MOGAT1: variants seen among roughly 807,000 people sequenced by gnomAD.
The protein encoded by MOGAT1 is monoacylglycerol O-acyltransferase 1, also known as 2-acylglycerol O-acyltransferase 1.
MOGAT1 carries 32 observed loss-of-function variants against 31.4 expected under a neutral mutation model. The ratio of observed to expected loss-of-function variants is 1.02; its 90% confidence interval spans 0.77 to 1.37. The LOEUF (loss-of-function observed/expected upper bound fraction) is 1.37. Among genes scored for constraint, MOGAT1 ranks in the 40% most tolerant of loss-of-function variants. The pLI is 0.00. For synonymous variants in MOGAT1, 145 were observed against 144.5 expected (o/e 1.00, Z -0.03); for missense variants, 426 against 402.0 (o/e 1.06, Z -0.51).
At chr2:222,683,944 T>C (rs932132758) in intron 1 of MOGAT1, among the ~76,000 whole-genome samples, 26 of 152,348 alleles carry the variant, frequency 1.7e-4, no homozygotes, top group African/African-American at 6.0e-4. Context: ...TTTCGAGAGC[T>C]GCACAATGTA....
At chr2:222,678,729 T>A (rs1190607981) in intron 1 of MOGAT1, among the ~76,000 whole-genome samples, 1 of 152,140 alleles carries the variant, frequency 6.6e-6, no homozygotes, top group Non-Finnish European at 1.5e-5. Context: ...TCACCTGAGG[T>A]CAGGAGTTCA....
At chr2:222,676,816 A>C (rs1389402862) in intron 1 of MOGAT1, among the ~76,000 whole-genome samples, 1 of 152,148 alleles carries the variant, frequency 6.6e-6, no homozygotes, top group East Asian at 1.9e-4. Flanking sequence ...CTAGCACTTG[A>C]AGCTATATAA....
chr2:222,689,441 T>C lies in MOGAT1; in HGVS notation c.450T>C (p.Pro150=). ...LHVLPLWFWC[P]VFREYVMSVG... The stretch of plus-strand genomic sequence containing the variant: ...TGCTGCCACTTTGGTTCTGGTGTCC[T>C]GTCTTTCGAGAATATGTGATGAGTG... The change falls in exon 3 of 6, where the codon CCT becomes CCC. Residue 150 remains proline (P), a synonymous_variant. Transcript: ENST00000446656. 1.2e-6 allele frequency: 2 copies of C among 1,614,074 alleles called. No homozygotes were observed. The highest frequency in any genetic ancestry group is 1.7e-6 in the Non-Finnish European group (2 of 1,179,884).
chr2:222,691,748 CAT>C (rs1193279675), intron 3 of MOGAT1, among the ~76,000 whole-genome samples: 1 of 152,216 alleles, frequency 6.6e-6, no homozygotes, highest in Non-Finnish European at 1.5e-5. Flanking sequence ...GACTGACAGA[CAT>C]AGGCACCAGA....
intron 5 of MOGAT1, among the ~76,000 whole-genome samples, chr2:222,707,399 G>A (rs1339768851): frequency 7.2e-6 from 1 of 139,806 alleles, no homozygotes; most frequent in Non-Finnish European, 1.5e-5. Context: ...AAGAGAAAGA[G>A]GGAGGGAAGG....
chr2:222,707,310 G>A (rs1490751084), intron 5 of MOGAT1, among the ~76,000 whole-genome samples: 2 of 141,678 alleles, frequency 1.4e-5, no homozygotes, highest in East Asian at 4.1e-4. Context: ...AAAGGAGGGA[G>A]GAAGGAAGGA....
intron 3 of MOGAT1, among the ~76,000 whole-genome samples, chr2:222,694,026 C>G (rs1448544609): frequency 6.6e-6 from 1 of 152,068 alleles, no homozygotes. Context: ...CTGAACAACT[C>G]CAGGGGCAGG....
chr2:222,693,987 C>A (rs946256085), intron 3 of MOGAT1, among the ~76,000 whole-genome samples: 4 of 152,158 alleles, frequency 2.6e-5, no homozygotes, highest in African/African-American at 9.7e-5. Context: ...AATATCAAGG[C>A]CACCACATAC....
chr2:222,689,131 G>A, intron 2 of MOGAT1, 134 bp from the exon 3 acceptor site: 3 of 759,542 alleles, frequency 3.9e-6, no homozygotes, highest in South Asian at 3.8e-5. Context: ...TTTGGAAACA[G>A]CTCCAACCCA....
At chr2:222,681,506 C>A (rs529919097) in intron 1 of MOGAT1, among the ~76,000 whole-genome samples, 1 of 152,088 alleles carries the variant, frequency 6.6e-6, no homozygotes, top group Non-Finnish European at 1.5e-5. Context: ...TGGGGTACAC[C>A]AATCTCTCAG....
intron 5 of MOGAT1, among the ~76,000 whole-genome samples, chr2:222,708,125 C>G (rs538822131): frequency 6.6e-6 from 1 of 152,254 alleles, no homozygotes; most frequent in East Asian, 1.9e-4. Context: ...GCTCTGTCCC[C>G]CAGGCTAAAG....
intron 1 of MOGAT1, 24 bp downstream of exon 1, chr2:222,671,903 GC>G: frequency 6.5e-7 from 1 of 1,534,902 alleles, no homozygotes; most frequent in Non-Finnish European, 8.8e-7. Flanking sequence ...CCCCCGGGCC[GC>G]GGGGCTTGGG....
intron 3 of MOGAT1, among the ~76,000 whole-genome samples, chr2:222,693,083 C>T (rs1301055828): frequency 6.6e-6 from 1 of 152,194 alleles, no homozygotes; most frequent in Non-Finnish European, 1.5e-5. Flanking sequence ...ATATCATTTT[C>T]TTCAAGTGAT....
At chr2:222,705,634 T>C (rs1387052315) in intron 5 of MOGAT1, among the ~76,000 whole-genome samples, 1 of 152,224 alleles carries the variant, frequency 6.6e-6, no homozygotes, top group African/African-American at 2.4e-5. Context: ...GTTTGTGGTG[T>C]TTTTCCATGG....
intron 1 of MOGAT1, among the ~76,000 whole-genome samples, chr2:222,685,600 T>C (rs1692651897): frequency 7.6e-6 from 1 of 132,130 alleles, no homozygotes; most frequent in South Asian, 2.2e-4. Flanking sequence ...TTCTTCTTCT[T>C]TTTTTTTTTT....
At position 222,673,156 on chromosome 2, in the gene MOGAT1, G is replaced by A. The variant is rs553657275; in HGVS notation, c.94+1277G>A. Among the ~76,000 whole-genome samples, 127 of 151,374 alleles carry A rather than the reference G, an allele frequency of 8.4e-4. 1 individual carries two copies. Among genetic ancestry groups the A allele is most frequent in the African/African-American group, 2.9e-3 (119 of 41,260 alleles). On this transcript the variant is annotated intron_variant, in intron 1 of 5. Coordinates refer to ENST00000446656, the MANE Select transcript of MOGAT1 (RefSeq NM_058165.3). ...TCGAACTCCCAATCTCAGGTGATCC[G>A]CCTGTCTCAGCCTCCCAAAGTGCTG...
chr2:222,694,656 A>G (rs1692815472), intron 4 of MOGAT1, 120 bp downstream of exon 4: 4 of 955,982 alleles, frequency 4.2e-6, no homozygotes. Context: ...ATCTGACAGT[A>G]AAAGCAGGTG....
At position 222,685,601 on chromosome 2, in the gene MOGAT1, T is replaced by C. The variant is rs191230382; in HGVS notation, c.95-2743T>C. Among the ~76,000 whole-genome samples the C allele has an allele frequency of 1.1e-3, 150 of 141,886 alleles. 1 individual carries two copies. The highest frequency in any genetic ancestry group is 2.9e-3 in the African/African-American group (103 of 35,548). The allele number at this position is 141,886 out of a possible 152,430, so 93.1% of individuals were successfully genotyped here. On this transcript the variant is annotated intron_variant, in intron 1 of 5. Transcript: ENST00000446656. ...TTTATAGTGTTTTCTTCTTCTTCTT[T>C]TTTTTTTTTTTTTTTTTGAGAGGAG...
chr2:222,691,236 G>A (rs887916498), intron 3 of MOGAT1, among the ~76,000 whole-genome samples: 15 of 150,126 alleles, frequency 1.0e-4, no homozygotes, highest in Non-Finnish European at 1.6e-4. Context: ...ACGGAGTTTC[G>A]CTCTTGTTGC....
Sources: allele counts gnomAD v4.1 joint callset (sites outside exome capture counted in the v4.1 genomes callset), GRCh38; gene constraint gnomAD v4.1.1; transcripts MANE v1.5; gene names NCBI Gene and HGNC (gene_info 2026-07-23, HGNC 2026-07-21).